FBN2: variants seen among roughly 807,000 people sequenced by gnomAD.
The protein encoded by FBN2 is fibrillin-2.
A neutral mutation model predicts 355.6 loss-of-function variants in FBN2; 105 were observed. That is an observed-to-expected ratio of 0.30 (90% CI 0.25 to 0.35). The LOEUF (loss-of-function observed/expected upper bound fraction) is 0.35. FBN2 is among the 10% of genes least tolerant of loss of function. The pLI is 1.00. For missense variants in FBN2, 3,280 were observed against 3,758.7 expected (o/e 0.87, Z 3.33); for synonymous variants, 1,350 against 1,301.2 (o/e 1.04, Z -0.81).
chr5:128,299,509 G>A (rs983173457), intron 48 of FBN2, among the ~76,000 whole-genome samples: 4 of 151,558 alleles, frequency 2.6e-5, no homozygotes, highest in Non-Finnish European at 4.4e-5. Context: ...GCCATGTGCG[G>A]GATATAATCT....
intron 10 of FBN2, 84 bp from the exon 11 acceptor site, chr5:128,392,239 G>C: frequency 8.5e-7 from 1 of 1,169,736 alleles, no homozygotes; most frequent in Non-Finnish European, 1.3e-6. Flanking sequence ...ACATTTAATA[G>C]TAAATTAATT....
At chr5:128,289,056 G>C in intron 52 of FBN2, 71 bp downstream of exon 52, 5 of 1,526,330 alleles carry the variant, frequency 3.3e-6, no homozygotes, top group Non-Finnish European at 4.5e-6. Flanking sequence ...CAGGGTACCT[G>C]AGAGACCTTT....
intron 48 of FBN2, 98 bp from the exon 49 acceptor site, chr5:128,291,752 A>T: frequency 9.0e-7 from 1 of 1,113,522 alleles, no homozygotes; most frequent in Non-Finnish European, 1.4e-6. Context: ...ATTTCAGACA[A>T]GAGATATTAC....
At chr5:128,426,620 A>C (rs1423730025) in intron 7 of FBN2, among the ~76,000 whole-genome samples, 4 of 152,168 alleles carry the variant, frequency 2.6e-5, no homozygotes, top group African/African-American at 9.7e-5. Flanking sequence ...AAATGTAACA[A>C]ATCTAACAGT....
Position 128,537,366 on chromosome 5 carries a change from G to C in FBN2, c.238C>G (p.Gln80Glu). 1 of 1,610,732 alleles carries C rather than the reference G, an allele frequency of 6.2e-7. No homozygotes were observed. Among genetic ancestry groups the C allele is most frequent in the Non-Finnish European group, 8.5e-7 (1 of 1,179,788 alleles). The change falls in exon 1 of 65, where the codon CAG becomes GAG. Residue 80 changes from glutamine to glutamate, a missense_variant. Gln to Glu is a conservative substitution (Grantham distance 29, BLOSUM62 2). Transcript: ENST00000262464. Reference protein sequence around the residue: ...VASRVRRRGQQDVLRGPNVCG... With the variant: ...VASRVRRRGQEDVLRGPNVCG... ...CCCACTTACCCTCGGAGCACGTCCTGCTGTCCTCGCCGGCGGACGCGGCTG... is the reference window on the plus strand; with the variant it reads ...CCCACTTACCCTCGGAGCACGTCCTCCTGTCCTCGCCGGCGGACGCGGCTG...
At chr5:128,479,968 CTCTCTCTCTATATATATATATATA>C (rs60497762) in intron 5 of FBN2, among the ~76,000 whole-genome samples, 59 of 29,224 alleles carry the variant, frequency 2.0e-3, no homozygotes, top group African/African-American at 4.1e-3. Flanking sequence ...CTCTCTCTCT[CTCTCTCTCTATATATATATATATA>C]TATATATATA....
At chr5:128,299,360 A>T (rs7710156) in intron 48 of FBN2, among the ~76,000 whole-genome samples, 5,565 of 148,712 alleles carry the variant, frequency 0.037, 390 homozygotes, top group African/African-American at 0.13. Flanking sequence ...GTGGGCTCCA[A>T]ACAGTTCGAG....
At position 128,369,113 on chromosome 5, in the gene FBN2, C is replaced by A; in HGVS notation, c.2248+69G>T. Reference sequence around the variant, plus strand: ...TGAAACACTTAAGAGCTGATGTTCTCTTTGGCCAAACATCTAAGGTTGTAT... The same window carrying A: ...TGAAACACTTAAGAGCTGATGTTCTATTTGGCCAAACATCTAAGGTTGTAT... On this transcript the variant is annotated intron_variant, in intron 16 of 64. Transcript: ENST00000262464. 5.3e-6 allele frequency: 8 copies of A among 1,497,390 alleles called. No homozygotes were observed. In the South Asian group the frequency reaches 9.0e-5, roughly 17 times the overall value. The allele number at this position is 1,497,390 out of a possible 1,614,324, so 92.8% of individuals were successfully genotyped here.
chr5:128,333,403 A>G (rs1433135015), intron 31 of FBN2, among the ~76,000 whole-genome samples: 2 of 152,336 alleles, frequency 1.3e-5, no homozygotes, highest in African/African-American at 4.8e-5. Flanking sequence ...CTTATTTCCA[A>G]TAATAGATGG....
In FBN2 at chr5:128,361,594, T is replaced by C. The variant is rs1751638797; in HGVS notation, c.2554+129A>G. 6 of 1,200,548 alleles carry C rather than the reference T, an allele frequency of 5.0e-6. 1 individual carries two copies. 74.4% of individuals were successfully genotyped at this position (1,200,548 alleles called of 1,614,324 possible). A position where few individuals can be genotyped will look rare whatever the true frequency, so the allele number is the denominator to read the frequency against. On this transcript the variant is annotated intron_variant, in intron 19 of 64. Coordinates refer to ENST00000262464, the MANE Select transcript of FBN2 (RefSeq NM_001999.4). ...CTATTTCAAAAACTGGCAGATTAGC[T>C]AAATGAGATTATAAAATAAAATATT...
At chr5:128,425,969 A>T (rs915623571) in intron 7 of FBN2, among the ~76,000 whole-genome samples, 5 of 152,186 alleles carry the variant, frequency 3.3e-5, no homozygotes, top group African/African-American at 1.2e-4. Flanking sequence ...AACTACATAG[A>T]CCTAGCTGTG....
rs565439195 is a variant in FBN2, at chr5:128,334,843, A to G, written c.3975T>C (p.Asp1325=). ...TTGAATTTAGGTCACATTCATTGAC[A>G]TCTAGAAAATTTATTTTCAATATCT... ...MASMDMKTCI[D]VNECDLNSNI... Residue 1325 remains aspartate (D), a splice_region_variant and synonymous_variant, in exon 31 of 65, where the codon GAT becomes GAC. Coordinates refer to ENST00000262464, the MANE Select transcript of FBN2 (RefSeq NM_001999.4). 2.5e-6 allele frequency: 4 copies of G among 1,611,168 alleles called. No homozygotes were observed. Among genetic ancestry groups the G allele is most frequent in the Non-Finnish European group, 3.4e-6 (4 of 1,177,248 alleles).
intron 58 of FBN2, 136 bp from the exon 59 acceptor site, chr5:128,276,296 T>G: frequency 1.2e-6 from 1 of 851,180 alleles, no homozygotes; most frequent in Non-Finnish European, 1.9e-6. Context: ...AGAGAAATGA[T>G]GCACAGAAGG....
intron 48 of FBN2, among the ~76,000 whole-genome samples, chr5:128,298,282 T>A (rs1311106829): frequency 6.0e-5 from 9 of 151,034 alleles, no homozygotes; most frequent in Non-Finnish European, 7.4e-5. Context: ...TTTTCCTTCA[T>A]TTCAACTTTG....
chr5:128,434,460 T>A (rs1319845046), intron 7 of FBN2, among the ~76,000 whole-genome samples: 1 of 135,592 alleles, frequency 7.4e-6, no homozygotes, highest in Non-Finnish European at 1.5e-5. Context: ...AGAACTGCAG[T>A]CTTGGATCTA....
chr5:128,375,555 C>G (rs1486563546), intron 14 of FBN2, among the ~76,000 whole-genome samples: 1 of 152,132 alleles, frequency 6.6e-6, no homozygotes, highest in Non-Finnish European at 1.5e-5. Context: ...AAATTTGTTT[C>G]TTACTCAGAA....
At chr5:128,456,595 T>C (rs1754401188) in intron 6 of FBN2, among the ~76,000 whole-genome samples, 1 of 152,066 alleles carries the variant, frequency 6.6e-6, no homozygotes, top group Admixed American at 6.5e-5. Flanking sequence ...CAGGCACCCA[T>C]CTCTGCGGCT....
intron 7 of FBN2, among the ~76,000 whole-genome samples, chr5:128,410,296 T>C (rs1753030881): frequency 6.6e-6 from 1 of 152,184 alleles, no homozygotes; most frequent in Non-Finnish European, 1.5e-5. Flanking sequence ...CTTAGTGCAG[T>C]GCATCTTAAT....
Position 128,537,837 on chromosome 5 carries a change from G to A in FBN2, c.-234C>T. Reference sequence around the variant, plus strand: ...CTAGCGCAGTGAGCGGCGAGGCGCGGCGGAGGTGCAGCCGGCAGCCCCGAG... The same window carrying A: ...CTAGCGCAGTGAGCGGCGAGGCGCGACGGAGGTGCAGCCGGCAGCCCCGAG... On this transcript the variant is annotated 5_prime_UTR_variant, in exon 1 of 65. Coordinates refer to ENST00000262464, the MANE Select transcript of FBN2 (RefSeq NM_001999.4). 1 of 596,750 alleles carries A rather than the reference G, an allele frequency of 1.7e-6. No homozygotes were observed. The highest frequency in any genetic ancestry group is 3.0e-6 in the Non-Finnish European group (1 of 335,810). 37.0% of individuals were successfully genotyped at this position (596,750 alleles called of 1,614,324 possible).
Sources: gnomAD v4.1 joint callset for allele counts (sites outside exome capture counted in the v4.1 genomes callset) on GRCh38, gnomAD v4.1.1 for gene constraint, MANE v1.5 for transcripts, NCBI Gene and HGNC (gene_info 2026-07-23, HGNC 2026-07-21) for gene names.